DCAF5: variants seen among roughly 807,000 people sequenced by gnomAD.
DCAF5 encodes DDB1- and CUL4-associated factor 5.
DCAF5 carries 9 observed loss-of-function variants against 80.7 expected under a neutral mutation model. The ratio of observed to expected loss-of-function variants is 0.11; its 90% CI spans 0.07 to 0.19. DCAF5 has a LOEUF of 0.19. Ranked by LOEUF, DCAF5 falls within the 10% of genes least tolerant of loss-of-function variation. The pLI is 1.00. For synonymous variants in DCAF5, 433 were observed against 461.9 expected (o/e 0.94, Z 0.80); for missense variants, 842 against 1,205.7 (o/e 0.70, Z 4.47).
rs765302684 is a variant in DCAF5, at chr14:69,055,246, G to A, written c.1440C>T (p.Ala480=). 50 of 1,614,110 alleles carry A rather than the reference G, an allele frequency of 3.1e-5. No homozygotes were observed. The highest frequency in any genetic ancestry group is 3.7e-5 in the Non-Finnish European group (44 of 1,180,052). ...TGACCCGCAGGGGCCCCAGGTGGAA[G>A]GCGTTGTCGGCAGACTCATCTACTG... The part of the protein sequence containing the change: ...PPTVDESADN[A]FHLGPLRVTT... The change falls in exon 9 of 9, where the codon GCC becomes GCT. Residue 480 remains alanine (A), a synonymous_variant. Coordinates refer to ENST00000341516, the MANE Select transcript of DCAF5 (RefSeq NM_003861.3). This position sits in a 1 kb window ranked among gnomAD's most constrained non-coding sequence, Gnocchi z 5.6.
intron 8 of DCAF5, among the ~76,000 whole-genome samples, chr14:69,062,100 T>C (rs1420493937): frequency 1.3e-5 from 2 of 152,174 alleles, no homozygotes; most frequent in African/African-American, 4.8e-5. Flanking sequence ...TTTTATTTTT[T>C]AAGATGATGT....
intron 5 of DCAF5, among the ~76,000 whole-genome samples, chr14:69,099,894 GAA>G: frequency 6.6e-6 from 1 of 151,860 alleles, no homozygotes; most frequent in East Asian, 1.9e-4. Context: ...CTGGGTGACA[GAA>G]TAAGACACTG....
intron 1 of DCAF5, among the ~76,000 whole-genome samples, chr14:69,150,947 C>G (rs1000388244): frequency 1.3e-5 from 2 of 152,144 alleles, no homozygotes; most frequent in Non-Finnish European, 2.9e-5. Flanking sequence ...TGACTACTTA[C>G]AATTCCGTTA....
intron 5 of DCAF5, among the ~76,000 whole-genome samples, chr14:69,096,185 A>G (rs1340895106): frequency 6.6e-6 from 1 of 152,196 alleles, no homozygotes; most frequent in Non-Finnish European, 1.5e-5. Flanking sequence ...CCGATAATCC[A>G]TTAACCATTT....
At chr14:69,087,927 A>C (rs890796197) in intron 6 of DCAF5, among the ~76,000 whole-genome samples, 1 of 152,240 alleles carries the variant, frequency 6.6e-6, no homozygotes, top group Non-Finnish European at 1.5e-5. Flanking sequence ...TGGTGGATCC[A>C]GAGCAGAATA....
At chr14:69,082,003 G>GT (rs1231109288) in intron 6 of DCAF5, among the ~76,000 whole-genome samples, 1 of 152,250 alleles carries the variant, frequency 6.6e-6, no homozygotes, top group Non-Finnish European at 1.5e-5. Flanking sequence ...GCCTGGATCA[G>GT]TAACAGCAGA....
chr14:69,119,349 A>C, intron 2 of DCAF5, 119 bp from the exon 3 acceptor site: 1 of 900,644 alleles, frequency 1.1e-6, no homozygotes. Flanking sequence ...GCTAATACAA[A>C]TTAGAAGTGT....
At chr14:69,131,825 C>T (rs1476350135) in intron 1 of DCAF5, among the ~76,000 whole-genome samples, 4 of 149,314 alleles carry the variant, frequency 2.7e-5, no homozygotes, top group African/African-American at 7.4e-5. Flanking sequence ...TAACTACATT[C>T]ACATTTTCAT....
intron 5 of DCAF5, 82 bp from the exon 6 acceptor site, chr14:69,091,969 T>G: frequency 8.6e-7 from 1 of 1,160,052 alleles, no homozygotes; most frequent in Non-Finnish European, 1.2e-6. Flanking sequence ...TATGACCTCC[T>G]GTCAAGCTTG....
chr14:69,086,799 G>C (rs919351126), intron 6 of DCAF5, among the ~76,000 whole-genome samples: 21 of 152,038 alleles, frequency 1.4e-4, no homozygotes, highest in Non-Finnish European at 2.4e-4. Context: ...GGATTCATAG[G>C]GTGCAAGTCA....
chr14:69,053,184 CCT>C lies in DCAF5; in HGVS notation c.*671_*672del, dbSNP rs2139813870. On this transcript the variant is annotated 3_prime_UTR_variant, in exon 9 of 9. Coordinates refer to ENST00000341516, the MANE Select transcript of DCAF5 (RefSeq NM_003861.3). The stretch of plus-strand genomic sequence containing the variant: ...CTTGAATCTGATCTTAAGTGCTAAA[CCT>C]CTCATTAGCATTAAAAATTCTTTTT... The C allele has an allele frequency of 6.6e-6, 1 of 152,364 alleles. No homozygotes were observed. The highest frequency in any genetic ancestry group is 1.9e-4 in the East Asian group (1 of 5,194). The allele number at this position is 152,364 out of a possible 1,614,324, so 9.4% of individuals were successfully genotyped here.
In DCAF5 at chr14:69,129,353, C is replaced by T. The variant is rs1595048259; in HGVS notation, c.215-6993G>A. Among the ~76,000 whole-genome samples, 6 of 152,126 alleles carry T rather than the reference C, an allele frequency of 3.9e-5. No individual in the cohort carries two copies. The South Asian group carries it at 8.3e-4, about 21-fold the overall frequency. Reference sequence around the variant, plus strand: ...TCCTTTAGGCAAGGTATTAAGAGCCCTATGCAAAGGCAATCTTCAAGTATG... The same window carrying T: ...TCCTTTAGGCAAGGTATTAAGAGCCTTATGCAAAGGCAATCTTCAAGTATG... On this transcript the variant is annotated intron_variant, in intron 1 of 8. Transcript: ENST00000341516.
chr14:69,097,807 G>A (rs917286095), intron 5 of DCAF5, among the ~76,000 whole-genome samples: 2 of 151,612 alleles, frequency 1.3e-5, no homozygotes, highest in African/African-American at 4.8e-5. Flanking sequence ...GGCTGGTCTT[G>A]AACTCTACTG....
chr14:69,060,422 G>A (rs1416874625), intron 8 of DCAF5, among the ~76,000 whole-genome samples: 3 of 152,162 alleles, frequency 2.0e-5, no homozygotes, highest in African/African-American at 7.2e-5. Context: ...GCCCCACGGG[G>A]AAATGTGTGC....
intron 1 of DCAF5, among the ~76,000 whole-genome samples, chr14:69,150,345 A>T (rs2041661879): frequency 6.6e-6 from 1 of 152,196 alleles, no homozygotes; most frequent in Non-Finnish European, 1.5e-5. Flanking sequence ...ATAAATACCC[A>T]GAATCGAAAG....
rs1595030828 is a variant in DCAF5 at position 69,118,081 on chromosome 14, T to C, written c.535+58A>G. ...CTGAGGTAATAAATTGGATCTTCAA[T>C]GAATCTGACATCAAACTGTTCAACA... On this transcript the variant is annotated intron_variant, in intron 4 of 8. Transcript: ENST00000341516. This position sits in a 1 kb window ranked among gnomAD's most constrained non-coding sequence, Gnocchi z 4.0. The C allele has an allele frequency of 6.3e-7, 1 of 1,598,252 alleles. No individual in the cohort carries two copies. Among genetic ancestry groups the C allele is most frequent in the East Asian group, 2.2e-5 (1 of 44,634 alleles).
chr14:69,144,901 G>C (rs551548231), intron 1 of DCAF5, among the ~76,000 whole-genome samples: 6 of 152,276 alleles, frequency 3.9e-5, no homozygotes, highest in African/African-American at 1.4e-4. Context: ...CACTTGTCTA[G>C]ATCTCAGCTC....
At chr14:69,092,681 CTTAA>C (rs2039573951) in intron 5 of DCAF5, among the ~76,000 whole-genome samples, 1 of 152,104 alleles carries the variant, frequency 6.6e-6, no homozygotes, top group Non-Finnish European at 1.5e-5. Flanking sequence ...CATTTCATTA[CTTAA>C]TTTTGAATTT....
intron 1 of DCAF5, among the ~76,000 whole-genome samples, chr14:69,126,812 T>C (rs566225556): frequency 1.8e-4 from 28 of 152,190 alleles, no homozygotes; most frequent in Non-Finnish European, 3.8e-4. Flanking sequence ...GGAGCAAAAA[T>C]GGTCTTTTCA....
Sources: allele counts gnomAD v4.1 joint callset (sites outside exome capture counted in the v4.1 genomes callset), GRCh38; gene constraint gnomAD v4.1.1; non-coding constraint Gnocchi (gnomAD v3.1); transcripts MANE v1.5; gene names NCBI Gene and HGNC (gene_info 2026-07-23, HGNC 2026-07-21).